ARL15: variants seen among roughly 807,000 people sequenced by gnomAD.
ARL15 encodes the protein ARF like GTPase 15.
In ARL15, 19 loss-of-function variants were observed where a neutral mutation model predicts 25.2. The ratio of observed to expected loss-of-function variants is 0.75; its 90% CI spans 0.53 to 1.10. The LOEUF is 1.10. ARL15 is among the 50% of genes least tolerant of loss of function. ARL15 has a pLI of 0.00. For missense variants in ARL15, 220 were observed against 246.0 expected (o/e 0.89, Z 0.71); for synonymous variants, 94 against 86.8 (o/e 1.08, Z -0.46).
At chr5:54,017,069 G>A (rs993997422) in intron 4 of ARL15, among the ~76,000 whole-genome samples, 5 of 152,166 alleles carry the variant, frequency 3.3e-5, no homozygotes, top group African/African-American at 9.7e-5. Flanking sequence ...GATTTGCTCC[G>A]CCTTTGTCGC....
chr5:54,268,780 A>ACTG (rs1757697984), intron 1 of ARL15, among the ~76,000 whole-genome samples: 1 of 152,200 alleles, frequency 6.6e-6, no homozygotes, highest in Non-Finnish European at 1.5e-5. Flanking sequence ...ACATATGTTT[A>ACTG]TGGCAGCACT....
chr5:53,909,199 G>C (rs998496067), intron 4 of ARL15, among the ~76,000 whole-genome samples: 1 of 152,120 alleles, frequency 6.6e-6, no homozygotes, highest in Non-Finnish European at 1.5e-5. Flanking sequence ...ATATATTGAA[G>C]TTTTAGACAT....
chr5:54,214,844 T>C (rs1195705338), intron 1 of ARL15, among the ~76,000 whole-genome samples: 1 of 152,106 alleles, frequency 6.6e-6, no homozygotes, highest in Non-Finnish European at 1.5e-5. Flanking sequence ...TGACCCCACA[T>C]TGGAAGGAGG....
chr5:54,014,173 T>G (rs1749332776), intron 4 of ARL15, among the ~76,000 whole-genome samples: 1 of 152,166 alleles, frequency 6.6e-6, no homozygotes, highest in Non-Finnish European at 1.5e-5. Context: ...AAATGAAGGA[T>G]CATAGGGAAC....
Position 54,247,501 on chromosome 5 carries a change from C to CTCACTGTCCCATTTTCAAAACAAA in ARL15, c.48+62930_48+62931insTTTGTTTTGAAAATGGGACAGTGA, listed in dbSNP as rs1292811753. 1.8e-4 allele frequency among the ~76,000 whole-genome samples: 27 copies of CTCACTGTCCCATTTTCAAAACAAA among 146,196 alleles called. No homozygotes were observed. The East Asian group carries it at 5.3e-3, about 29-fold the overall frequency. On this transcript the variant is annotated intron_variant, in intron 1 of 4. Coordinates refer to ENST00000504924, the MANE Select transcript of ARL15 (RefSeq NM_019087.3). Reference sequence around the variant, plus strand: ...AACTCAACAACTTCAAAACAAAAAACAAATGTCACTGTCCCATTTCCTCTG... The same window carrying CTCACTGTCCCATTTTCAAAACAAA: ...AACTCAACAACTTCAAAACAAAAAACTCACTGTCCCATTTTCAAAACAAAAAATGTCACTGTCCCATTTCCTCTG...
At chr5:54,028,081 C>T (rs530577338) in intron 4 of ARL15, among the ~76,000 whole-genome samples, 350 of 152,068 alleles carry the variant, frequency 2.3e-3, no homozygotes, top group African/African-American at 8.1e-3. Context: ...CCACCACGCC[C>T]GGCTAATTTT....
intron 4 of ARL15, among the ~76,000 whole-genome samples, chr5:53,989,857 C>T (rs1439254461): frequency 6.6e-6 from 1 of 151,974 alleles, no homozygotes; most frequent in Non-Finnish European, 1.5e-5. Flanking sequence ...TGAATGTAAA[C>T]AGTTTTAAGG....
intron 4 of ARL15, among the ~76,000 whole-genome samples, chr5:53,907,450 A>G (rs1382922039): frequency 9.2e-6 from 1 of 108,518 alleles, no homozygotes; most frequent in Non-Finnish European, 1.8e-5. Context: ...AGGTTGGCTT[A>G]AGAGTTCATA....
chr5:54,069,301 T>G (rs1751341731), intron 4 of ARL15, among the ~76,000 whole-genome samples: 1 of 152,152 alleles, frequency 6.6e-6, no homozygotes, highest in African/African-American at 2.4e-5. Flanking sequence ...CTGGGCTCAG[T>G]GGCTCACGCC....
intron 3 of ARL15, among the ~76,000 whole-genome samples, chr5:54,146,874 A>T (rs902631924): frequency 5.9e-5 from 9 of 152,198 alleles, no homozygotes; most frequent in African/African-American, 2.2e-4. Context: ...TAAATTTTTT[A>T]AAATTTCCTA....
At chr5:54,253,136 T>C (rs1757280877) in intron 1 of ARL15, among the ~76,000 whole-genome samples, 1 of 152,188 alleles carries the variant, frequency 6.6e-6, no homozygotes, top group Non-Finnish European at 1.5e-5. Flanking sequence ...GATTATTGGC[T>C]ATACATTGTT....
chr5:54,082,385 CT>C (rs1317981270), intron 4 of ARL15, among the ~76,000 whole-genome samples: 1 of 152,000 alleles, frequency 6.6e-6, no homozygotes, highest in East Asian at 1.9e-4. Context: ...TATAGGTTGA[CT>C]TTTTTTTAAC....
intron 4 of ARL15, among the ~76,000 whole-genome samples, chr5:53,893,743 A>C (rs1744791324): frequency 6.6e-6 from 1 of 152,202 alleles, no homozygotes; most frequent in African/African-American, 2.4e-5. Flanking sequence ...AGCCAGCTTA[A>C]CTGGGTAACC....
chr5:54,080,535 A>T (rs1751765053), intron 4 of ARL15, among the ~76,000 whole-genome samples: 2 of 152,176 alleles, frequency 1.3e-5, no homozygotes, highest in Admixed American at 1.3e-4. Context: ...CATCGTCCCC[A>T]AGAAGAAAAA....
chr5:54,034,131 G>A (rs895714363), intron 4 of ARL15, among the ~76,000 whole-genome samples: 3 of 152,138 alleles, frequency 2.0e-5, no homozygotes, highest in African/African-American at 4.8e-5. Flanking sequence ...GTCTTAGGTT[G>A]TCTTGTCATT....
intron 1 of ARL15, among the ~76,000 whole-genome samples, chr5:54,236,407 GACACACACAC>G (rs72439978): frequency 9.8e-4 from 138 of 140,736 alleles, no homozygotes; most frequent in East Asian, 6.4e-3. Context: ...ACTAAACACA[GACACACACAC>G]ACACACACAC....
chr5:54,011,281 G>C (rs549356835), intron 4 of ARL15, among the ~76,000 whole-genome samples: 1 of 152,066 alleles, frequency 6.6e-6, no homozygotes, highest in African/African-American at 2.4e-5. Flanking sequence ...TAAAATTTAA[G>C]TGTTTCACCA....
chr5:54,078,374 T>A (rs1638300947), intron 4 of ARL15, among the ~76,000 whole-genome samples: 1 of 152,198 alleles, frequency 6.6e-6, no homozygotes, highest in Non-Finnish European at 1.5e-5. Context: ...TAATTCATTG[T>A]CCAACACCAT....
intron 4 of ARL15, among the ~76,000 whole-genome samples, chr5:53,920,932 CCTT>C (rs1745837407): frequency 6.6e-6 from 1 of 152,014 alleles, no homozygotes. Context: ...TGCGCACAGT[CCTT>C]CTCTCCCTTT....
Sources: allele counts gnomAD v4.1 joint callset (sites outside exome capture counted in the v4.1 genomes callset), GRCh38; gene constraint gnomAD v4.1.1; transcripts MANE v1.5; gene names NCBI Gene and HGNC (gene_info 2026-07-23, HGNC 2026-07-21).